The following GALNT13 variants were observed in gnomAD, a reference collection of about 807,000 sequenced individuals.
GALNT13 encodes polypeptide N-acetylgalactosaminyltransferase 13.
In GALNT13, 28 loss-of-function variants were observed where a neutral mutation model predicts 64.2. That is an observed-to-expected ratio of 0.44 (90% CI 0.32 to 0.60). The LOEUF is 0.60. Among genes scored for constraint, GALNT13 ranks in the 20% least tolerant of loss-of-function variants. The probability of loss-of-function intolerance (pLI) is 0.05; values close to 1 mark genes in which losing one functional copy is unlikely to be tolerated. For missense variants in GALNT13, 577 were observed against 669.8 expected, an observed-to-expected ratio of 0.86 and a Z score of 1.53; for synonymous variants, 214 against 224.6, an observed-to-expected ratio of 0.95 and a Z score of 0.42.
intron 3 of GALNT13, among the ~76,000 whole-genome samples, chr2:154,022,995 G>A (rs188304372): frequency 5.5e-4 from 84 of 152,272 alleles, no homozygotes; most frequent in Non-Finnish European, 3.7e-4. Flanking sequence ...ATTCTATGTA[G>A]TTGAGCGGTT....
intron 4 of GALNT13, among the ~76,000 whole-genome samples, chr2:154,194,096 A>C (rs1288983281): frequency 2.0e-5 from 3 of 152,190 alleles, no homozygotes; most frequent in African/African-American, 7.2e-5. Context: ...GTCCCAGCCT[A>C]AACTTACTGA....
the GALNT13 span, among the ~76,000 whole-genome samples, chr2:153,697,732 T>C: frequency 6.6e-6 from 1 of 152,106 alleles, no homozygotes; most frequent in Non-Finnish European, 1.5e-5. Context: ...AATTTAAAGG[T>C]CCTAGTAAGA....
the GALNT13 span, among the ~76,000 whole-genome samples, chr2:153,284,134 G>T: frequency 1.3e-5 from 2 of 152,150 alleles, no homozygotes; most frequent in Admixed American, 1.3e-4. Context: ...CTGGAGTTTT[G>T]CCTGGGGGTG....
the GALNT13 span, among the ~76,000 whole-genome samples, chr2:153,832,226 C>A: frequency 4.1e-4 from 62 of 152,096 alleles, 1 homozygote; most frequent in African/African-American, 1.4e-3. Context: ...TGGAGACTAA[C>A]AAAGGACAAG....
intron 4 of GALNT13, among the ~76,000 whole-genome samples, chr2:154,177,852 C>A (rs1448732560): frequency 1.3e-5 from 2 of 152,178 alleles, no homozygotes; most frequent in Non-Finnish European, 2.9e-5. Flanking sequence ...TGTAATTCTG[C>A]AGCTGAGTAG....
intron 8 of GALNT13, among the ~76,000 whole-genome samples, chr2:154,280,480 T>A (rs765944847): frequency 2.6e-5 from 4 of 152,148 alleles, no homozygotes; most frequent in Admixed American, 1.3e-4. Context: ...ATTCTCTACA[T>A]TTGGGACACA....
At chr2:153,520,839 A>G in the GALNT13 span, among the ~76,000 whole-genome samples, 75 of 152,182 alleles carry the variant, frequency 4.9e-4, no homozygotes, top group Non-Finnish European at 1.0e-4. Flanking sequence ...TTCCGTAGAC[A>G]AAAGTACATG....
At chr2:153,376,771 T>C in the GALNT13 span, among the ~76,000 whole-genome samples, 1 of 152,196 alleles carries the variant, frequency 6.6e-6, no homozygotes, top group African/African-American at 2.4e-5. Flanking sequence ...TATCTATGTA[T>C]TAGGTCAATG....
At chr2:153,262,581 A>C in the GALNT13 span, among the ~76,000 whole-genome samples, 39 of 152,258 alleles carry the variant, frequency 2.6e-4, no homozygotes, top group African/African-American at 9.2e-4. Context: ...CTAGCAGTAC[A>C]TCAAAAAGCT....
At chr2:154,271,415 A>T (rs932974123) in intron 8 of GALNT13, among the ~76,000 whole-genome samples, 15 of 151,980 alleles carry the variant, frequency 9.9e-5, no homozygotes, top group Non-Finnish European at 4.4e-5. Context: ...GATTTAGAAG[A>T]TGGTAAAACA....
chr2:153,191,663 T>C, the GALNT13 span, among the ~76,000 whole-genome samples: 1 of 151,946 alleles, frequency 6.6e-6, no homozygotes, highest in African/African-American at 2.4e-5. Context: ...ATAACTTCGG[T>C]AGAAGTTGGC....
chr2:154,067,347 G>A (rs1700519819), intron 3 of GALNT13, among the ~76,000 whole-genome samples: 1 of 152,024 alleles, frequency 6.6e-6, no homozygotes. Context: ...TAGAGTGGCT[G>A]AATGGATTTT....
intron 9 of GALNT13, among the ~76,000 whole-genome samples, chr2:154,334,438 C>T (rs1197283213): frequency 1.3e-5 from 2 of 152,012 alleles, no homozygotes; most frequent in African/African-American, 2.4e-5. Flanking sequence ...ATTATCAATA[C>T]TACAGAAATT....
At chr2:153,148,613 G>A in the GALNT13 span, among the ~76,000 whole-genome samples, 1 of 150,780 alleles carries the variant, frequency 6.6e-6, no homozygotes, top group African/African-American at 2.4e-5. Flanking sequence ...CTGTTAAATT[G>A]AGCTCTTTAG....
intron 9 of GALNT13, among the ~76,000 whole-genome samples, chr2:154,314,982 C>T (rs189638865): frequency 1.3e-5 from 2 of 152,074 alleles, no homozygotes; most frequent in Admixed American, 1.3e-4. Context: ...CTGGAATGAC[C>T]CAGCTACATA....
the GALNT13 span, among the ~76,000 whole-genome samples, chr2:153,834,478 G>A: frequency 1.3e-5 from 2 of 152,238 alleles, no homozygotes; most frequent in African/African-American, 4.8e-5. Flanking sequence ...GGGGACTGTA[G>A]CTAATCAGCA....
the GALNT13 span, among the ~76,000 whole-genome samples, chr2:153,438,906 G>C: frequency 6.6e-6 from 1 of 152,038 alleles, no homozygotes; most frequent in Non-Finnish European, 1.5e-5. Flanking sequence ...CTGATTTTTT[G>C]AGTTTCCAGT....
At chr2:154,293,430 C>T (rs1692752746) in intron 8 of GALNT13, among the ~76,000 whole-genome samples, 8 of 152,006 alleles carry the variant, frequency 5.3e-5, no homozygotes, top group Admixed American at 5.2e-4. Flanking sequence ...CAAGAATCAG[C>T]GAGTAATCTA....
chr2:153,908,387 C>T lies in GALNT13; in HGVS notation c.-105+7380C>T, dbSNP rs139584287. Among the ~76,000 whole-genome samples the T allele has an allele frequency of 4.5e-3, 680 of 152,048 alleles. 4 individuals carry two copies. Among genetic ancestry groups the T allele is most frequent in the African/African-American group, 0.016 (647 of 41,542 alleles). On this transcript the variant is annotated intron_variant, in intron 2 of 12. Transcript: ENST00000392825. Reference sequence around the variant, plus strand: ...TTTCTTTTTCTGCACAGAAGCTCTTCAGTTGAGTTAGATCCCATTTGTCAA... The same window carrying T: ...TTTCTTTTTCTGCACAGAAGCTCTTTAGTTGAGTTAGATCCCATTTGTCAA...
Sources: gnomAD v4.1 joint callset for allele counts (sites outside exome capture counted in the v4.1 genomes callset) on GRCh38, gnomAD v4.1.1 for gene constraint, MANE v1.5 for transcripts, NCBI Gene and HGNC (gene_info 2026-07-23, HGNC 2026-07-21) for gene names.